The following PCDHA1 variants were observed in gnomAD, a reference collection of about 807,000 sequenced individuals.
The protein encoded by PCDHA1 is protocadherin alpha 1.
PCDHA1 carries 42 observed loss-of-function variants against 61.3 expected under a neutral mutation model. The ratio of observed to expected loss-of-function variants is 0.69; its 90% CI spans 0.54 to 0.89. The LOEUF is 0.89. Among genes scored for constraint, PCDHA1 ranks in the 40% least tolerant of loss-of-function variants. The pLI is 0.00. For synonymous variants in PCDHA1, 610 were observed against 553.8 expected, an observed-to-expected ratio of 1.10 and a Z score of -1.43; for missense variants, 1,256 against 1,235.3, an observed-to-expected ratio of 1.02 and a Z score of -0.25.
chr5:140,897,161 G>C (rs1554187213), intron 1 of PCDHA1, among the ~76,000 whole-genome samples: 1 of 151,938 alleles, frequency 6.6e-6, no homozygotes, highest in African/African-American at 2.4e-5. Flanking sequence ...TTCTTCTACT[G>C]TCTATCTCCA....
intron 1 of PCDHA1, chr5:140,851,311 T>C (rs1484638965): frequency 1.0e-6 from 1 of 1,000,128 alleles, no homozygotes; most frequent in Non-Finnish European, 1.2e-6. Context: ...TAGCAATTGT[T>C]ACCTTGTTAA....
chr5:140,927,275 A>G, intron 1 of PCDHA1: 1 of 1,614,124 alleles, frequency 6.2e-7, no homozygotes, highest in Non-Finnish European at 8.5e-7. Flanking sequence ...CCTGCCGGCG[A>G]CGTGCAGCTG....
chr5:140,845,716 T>C (rs1554140984), intron 1 of PCDHA1, among the ~76,000 whole-genome samples: 1 of 149,718 alleles, frequency 6.7e-6, no homozygotes, highest in Non-Finnish European at 1.5e-5. Context: ...TATGTATGCA[T>C]GATAAATGTG....
intron 1 of PCDHA1, among the ~76,000 whole-genome samples, chr5:140,958,989 A>C (rs2095457963): frequency 6.6e-6 from 1 of 152,064 alleles, no homozygotes; most frequent in Non-Finnish European, 1.5e-5. Flanking sequence ...TATTGTTGCT[A>C]ATCTTTTACT....
rs2150181122 is a variant in PCDHA1 at position 140,830,100 on chromosome 5, T to C, written c.2394+41416T>C. 6.2e-7 allele frequency: 1 copy of C among 1,613,448 alleles called. No homozygotes were observed. The highest frequency in any genetic ancestry group is 1.7e-5 in the Admixed American group (1 of 59,986). On this transcript the variant is annotated intron_variant, in intron 1 of 3. Coordinates refer to ENST00000504120, the MANE Select transcript of PCDHA1 (RefSeq NM_018900.4). ...ACGGCCACGGTTCTGGTGTCGCTGG[T>C]GGAGAGTGGCCAGGCTCCAAAGGCG...
intron 1 of PCDHA1, among the ~76,000 whole-genome samples, chr5:140,931,244 T>C (rs1161128281): frequency 6.6e-6 from 1 of 152,168 alleles, no homozygotes; most frequent in Non-Finnish European, 1.5e-5. Context: ...ACACTTTTCC[T>C]ACCAAGAAAT....
At chr5:140,796,156 G>T (rs1762041962) in intron 1 of PCDHA1, 1 of 1,614,078 alleles carries the variant, frequency 6.2e-7, no homozygotes, top group Non-Finnish European at 8.5e-7. Flanking sequence ...TTTCAAGCTG[G>T]TGTCCACCTT....
rs1554118037 is a variant in PCDHA1 at position 140,787,891 on chromosome 5, A to T, written c.1601A>T (p.Gln534Leu). 1 of 1,613,144 alleles carries T rather than the reference A, an allele frequency of 6.2e-7. No individual in the cohort carries two copies. The highest frequency in any genetic ancestry group is 8.5e-7 in the Non-Finnish European group (1 of 1,179,776). ...GAGGAGCTGGAGCTGCTGCAGTTCC[A>T]GGTGAGCGCGCGGGATGCGGGCGTG... ...DHEELELLQFQVSARDAGVPP... is the reference protein window; with the variant it reads ...DHEELELLQFLVSARDAGVPP... The change falls in exon 1 of 4, where the codon CAG (glutamine) becomes CTG (leucine). Residue 534 changes from glutamine (Q) to leucine (L), a missense_variant. By Grantham distance (113) the Gln-to-Leu change is moderately radical (BLOSUM62 -2). Coordinates refer to ENST00000504120, the MANE Select transcript of PCDHA1 (RefSeq NM_018900.4).
At position 140,856,173 on chromosome 5, in the gene PCDHA1, C is replaced by A. The variant is rs782775861; in HGVS notation, c.2394+67489C>A. The stretch of plus-strand genomic sequence containing the variant: ...GTCTACGAGGAGGCCAGACACGGCA[C>A]CTTCGTGGGCCGCATCGCGCAGGAC... On this transcript the variant is annotated intron_variant, in intron 1 of 3. Coordinates refer to ENST00000504120, the MANE Select transcript of PCDHA1 (RefSeq NM_018900.4). The A allele has an allele frequency of 1.1e-5, 17 of 1,598,116 alleles. 1 individual carries two copies. The highest frequency in any genetic ancestry group is 3.4e-4 in the Middle Eastern group (2 of 5,954).
At chr5:140,939,911 T>C (rs1554213037) in intron 1 of PCDHA1, among the ~76,000 whole-genome samples, 1 of 152,232 alleles carries the variant, frequency 6.6e-6, no homozygotes, top group African/African-American at 2.4e-5. Flanking sequence ...TTCTTTTTTA[T>C]TCTTTTTGTT....
chr5:140,916,743 G>C (rs1355752854), intron 1 of PCDHA1, among the ~76,000 whole-genome samples: 1 of 152,156 alleles, frequency 6.6e-6, no homozygotes, highest in African/African-American at 2.4e-5. Context: ...AAGCTTCACT[G>C]CCTGGGATTA....
At chr5:140,800,133 A>G (rs1762511753) in intron 1 of PCDHA1, among the ~76,000 whole-genome samples, 1 of 152,156 alleles carries the variant, frequency 6.6e-6, no homozygotes, top group Admixed American at 6.5e-5. Context: ...TATATTGTTA[A>G]CATTTTAGTA....
intron 1 of PCDHA1, among the ~76,000 whole-genome samples, chr5:140,949,916 A>G (rs1350647225): frequency 6.6e-6 from 1 of 150,834 alleles, no homozygotes; most frequent in African/African-American, 2.4e-5. Flanking sequence ...AGATATAACT[A>G]TTTTTAGATT....
At chr5:140,993,510 G>A (rs144120217) in intron 3 of PCDHA1, among the ~76,000 whole-genome samples, 7 of 129,138 alleles carry the variant, frequency 5.4e-5, no homozygotes, top group African/African-American at 1.4e-4. Context: ...ACACACACAC[G>A]GGGAGAGAGA....
intron 1 of PCDHA1, chr5:140,807,856 T>A (rs781955377): frequency 1.2e-6 from 2 of 1,614,214 alleles, no homozygotes; most frequent in Non-Finnish European, 1.7e-6. Context: ...CCGAGTTGAC[T>A]GGCACCGTTC....
chr5:140,812,426 A>G (rs1765106358), intron 1 of PCDHA1: 1 of 151,998 alleles, frequency 6.6e-6, no homozygotes, highest in African/African-American at 2.4e-5. Context: ...TTTTTTCAAA[A>G]AATCAACTAA....
chr5:140,797,852 TTTTG>T (rs1296527031), intron 1 of PCDHA1, among the ~76,000 whole-genome samples: 3 of 151,866 alleles, frequency 2.0e-5, no homozygotes, highest in Admixed American at 6.6e-5. Context: ...TACATTTTTT[TTTTG>T]TTTGTTTGTT....
intron 1 of PCDHA1, chr5:140,822,163 C>A: frequency 6.2e-7 from 1 of 1,614,250 alleles, no homozygotes; most frequent in East Asian, 2.2e-5. Flanking sequence ...TGACAATCCG[C>A]CCAGGTTCTC....
intron 1 of PCDHA1, chr5:140,966,547 G>A (rs2096020137): frequency 2.1e-6 from 1 of 467,502 alleles, no homozygotes; most frequent in Non-Finnish European, 3.6e-6. Context: ...ACTCGGAGGC[G>A]AGCGGAGGAG....
Sources: allele counts gnomAD v4.1 joint callset (sites outside exome capture counted in the v4.1 genomes callset), GRCh38; gene constraint gnomAD v4.1.1; transcripts MANE v1.5; gene names NCBI Gene and HGNC (gene_info 2026-07-23, HGNC 2026-07-21).